The following NRG1 variants were observed in gnomAD, a reference collection of about 807,000 sequenced individuals.
The protein encoded by NRG1 is neuregulin 1.
NRG1 carries 18 observed loss-of-function variants against 63.8 expected under a neutral mutation model. The observed-to-expected ratio is 0.28, with a 90% CI of 0.19 to 0.42. The LOEUF is 0.42. Among genes scored for constraint, NRG1 ranks in the 10% least tolerant of loss-of-function variants. The pLI, the probability that NRG1 is intolerant of heterozygous loss-of-function variation, is 1.00. For missense variants in NRG1, 762 were observed against 814.7 expected, an observed-to-expected ratio of 0.94 and a Z score of 0.79; for synonymous variants, 302 against 301.3, an observed-to-expected ratio of 1.00 and a Z score of -0.02.
At chr8:32,042,475 C>T (rs1175094412) in intron 1 of NRG1, among the ~76,000 whole-genome samples, 1 of 151,694 alleles carries the variant, frequency 6.6e-6, no homozygotes, top group African/African-American at 2.4e-5. Flanking sequence ...GACTTAGAGT[C>T]TCATAATATT....
intron 1 of NRG1, chr8:32,061,843 A>G (rs950782836): frequency 1.3e-5 from 2 of 152,068 alleles, no homozygotes; most frequent in African/African-American, 2.4e-5. Context: ...GGTGAGAAAC[A>G]TGAACTGCAT....
chr8:31,904,314 C>T (rs1350451852), intron 1 of NRG1, among the ~76,000 whole-genome samples: 1 of 152,084 alleles, frequency 6.6e-6, no homozygotes, highest in Non-Finnish European at 1.5e-5. Flanking sequence ...GAGTAGCTAT[C>T]GCTGAAGCTG....
downstream of NRG1, among the ~76,000 whole-genome samples, chr8:32,768,994 A>G (rs1831618117): frequency 6.6e-6 from 1 of 152,212 alleles, no homozygotes; most frequent in Admixed American, 6.5e-5. Context: ...ATAAATTTTC[A>G]AAAATGCTTG....
intron 1 of NRG1, among the ~76,000 whole-genome samples, chr8:31,822,717 T>G (rs1824121329): frequency 6.6e-6 from 1 of 152,218 alleles, no homozygotes; most frequent in South Asian, 2.1e-4. Context: ...TTCTTGTTTC[T>G]ATATTCTTAT....
intron 6 of NRG1, among the ~76,000 whole-genome samples, chr8:32,729,602 A>C (rs1433706180): frequency 6.6e-6 from 1 of 152,240 alleles, no homozygotes; most frequent in Non-Finnish European, 1.5e-5. Flanking sequence ...AACTGATAGG[A>C]GCAATTAGCA....
chr8:32,585,800 G>A (rs551484704), intron 1 of NRG1, among the ~76,000 whole-genome samples: 1 of 152,312 alleles, frequency 6.6e-6, no homozygotes, highest in East Asian at 1.9e-4. Flanking sequence ...CAGAAATAAT[G>A]TCATGTGGTG....
intron 1 of NRG1, among the ~76,000 whole-genome samples, chr8:31,791,277 C>A (rs1820682962): frequency 6.6e-6 from 1 of 151,438 alleles, no homozygotes; most frequent in African/African-American, 2.4e-5. Flanking sequence ...CTCATGCCAA[C>A]TCAGATCAGT....
chr8:32,482,445 A>G (rs550649176), intron 1 of NRG1, among the ~76,000 whole-genome samples: 1 of 132,368 alleles, frequency 7.6e-6, no homozygotes, highest in African/African-American at 3.1e-5. Context: ...TCTGTAAATA[A>G]CATCCATATC....
intron 1 of NRG1, among the ~76,000 whole-genome samples, chr8:32,303,535 G>T (rs1033226222): frequency 1.5e-4 from 23 of 152,158 alleles, no homozygotes; most frequent in African/African-American, 4.8e-4. Context: ...AAAATGAAAT[G>T]ACACCTGTTA....
intron 1 of NRG1, among the ~76,000 whole-genome samples, chr8:31,916,176 A>C (rs539455841): frequency 6.6e-6 from 1 of 152,140 alleles, no homozygotes; most frequent in African/African-American, 2.4e-5. Flanking sequence ...ATTATATAAT[A>C]GGCTTAGTAC....
chr8:31,944,433 A>G (rs1368844675), intron 1 of NRG1, among the ~76,000 whole-genome samples: 2 of 152,216 alleles, frequency 1.3e-5, no homozygotes, highest in Non-Finnish European at 2.9e-5. Context: ...CACAGCTAGT[A>G]AGAGACAGTG....
intron 1 of NRG1, chr8:32,030,602 C>T (rs941067231): frequency 1.3e-5 from 2 of 152,100 alleles, no homozygotes; most frequent in African/African-American, 4.8e-5. Flanking sequence ...TCCATAGCTA[C>T]AGAGGGGACC....
intron 5 of NRG1, among the ~76,000 whole-genome samples, chr8:32,660,249 A>G (rs2439325): frequency 0.5 from 76,144 of 152,026 alleles, 19,988 homozygotes; most frequent in Non-Finnish European, 0.6. Context: ...TATAATGCAA[A>G]CATTCCAAAA....
intron 1 of NRG1, among the ~76,000 whole-genome samples, chr8:32,068,844 G>T (rs1825303409): frequency 6.6e-6 from 1 of 152,182 alleles, no homozygotes; most frequent in African/African-American, 2.4e-5. Context: ...TAGTGCTATT[G>T]CCAGTGGTCC....
intron 1 of NRG1, among the ~76,000 whole-genome samples, chr8:32,476,491 A>T (rs1338776466): frequency 6.6e-6 from 1 of 152,248 alleles, no homozygotes. Flanking sequence ...TGAAGTACTC[A>T]TGATGACAAT....
chr8:32,551,749 G>A (rs1434649242), intron 1 of NRG1, among the ~76,000 whole-genome samples: 1 of 152,016 alleles, frequency 6.6e-6, no homozygotes, highest in Non-Finnish European at 1.5e-5. Flanking sequence ...CTCAAAATAA[G>A]CAAGCTAAGA....
intron 2 of NRG1, among the ~76,000 whole-genome samples, chr8:32,603,011 C>A (rs1243430184): frequency 1.3e-5 from 2 of 152,112 alleles, no homozygotes; most frequent in Admixed American, 1.3e-4. Context: ...TAAGACATAT[C>A]TATTTGCAAA....
At chr8:31,813,747 G>A (rs532269271) in intron 1 of NRG1, among the ~76,000 whole-genome samples, 7 of 151,936 alleles carry the variant, frequency 4.6e-5, no homozygotes, top group South Asian at 2.1e-4. Flanking sequence ...GGCTGGTCTC[G>A]AACTCCTCGG....
intron 1 of NRG1, among the ~76,000 whole-genome samples, chr8:32,006,503 A>G (rs1813794825): frequency 6.6e-6 from 1 of 152,062 alleles, no homozygotes; most frequent in Non-Finnish European, 1.5e-5. Flanking sequence ...TAATCTAATC[A>G]CAGAAGCTGT....
Sources: gnomAD v4.1 joint callset for allele counts (sites outside exome capture counted in the v4.1 genomes callset) on GRCh38, gnomAD v4.1.1 for gene constraint, MANE v1.5 for transcripts, NCBI Gene and HGNC (gene_info 2026-07-23, HGNC 2026-07-21) for gene names.